The following DLG2 variants were observed in gnomAD, a reference collection of about 807,000 sequenced individuals.
DLG2 encodes the protein discs large MAGUK scaffold protein 2.
DLG2 carries 45 observed loss-of-function variants against 132.5 expected under a neutral mutation model. The observed-to-expected ratio is 0.34, with a 90% confidence interval of 0.27 to 0.44. The LOEUF (loss-of-function observed/expected upper bound fraction) is 0.44, where lower values mean the gene tolerates loss of function less well. Among genes scored for constraint, DLG2 ranks in the 20% least tolerant of loss-of-function variants. The pLI, the probability that DLG2 is intolerant of heterozygous loss-of-function variation, is 1.00. For missense variants in DLG2, 1,045 were observed against 1,196.9 expected, an observed-to-expected ratio of 0.87 and a Z score of 1.87; for synonymous variants, 424 against 419.6, an observed-to-expected ratio of 1.01 and a Z score of -0.13.
intron 15 of DLG2, among the ~76,000 whole-genome samples, chr11:83,892,035 A>G (rs1427509186): frequency 2.0e-5 from 3 of 152,164 alleles, no homozygotes; most frequent in Admixed American, 2.0e-4. Flanking sequence ...AATAGGTAAC[A>G]GAATAAAAGG....
intron 3 of DLG2, among the ~76,000 whole-genome samples, chr11:85,352,024 A>C (rs974965570): frequency 6.6e-6 from 1 of 152,136 alleles, no homozygotes; most frequent in Admixed American, 6.6e-5. Context: ...ATCTGGCTGT[A>C]AATCCATCTG....
intron 18 of DLG2, among the ~76,000 whole-genome samples, chr11:83,666,962 T>A (rs1246861633): frequency 6.6e-6 from 1 of 152,120 alleles, no homozygotes; most frequent in African/African-American, 2.4e-5. Context: ...TTGCCTTGAG[T>A]CTGTGATCTT....
intron 6 of DLG2, among the ~76,000 whole-genome samples, chr11:84,567,105 A>C (rs2099459613): frequency 6.6e-6 from 1 of 152,178 alleles, no homozygotes; most frequent in Non-Finnish European, 1.5e-5. Flanking sequence ...TCGAAAAATA[A>C]ACAGGGTGAA....
Position 84,327,234 on chromosome 11 carries a change from C to T in DLG2, c.520-75943G>A, listed in dbSNP as rs1033594255. Among the ~76,000 whole-genome samples, 7 of 150,788 alleles carry T rather than the reference C, an allele frequency of 4.6e-5. No homozygotes were observed. In the Admixed American group the frequency reaches 4.6e-4, roughly 10 times the overall value. ...TGGTAGCAGGGATTACAGGCACACACCACCATGCCCGGCTAATTTTTGTAT... is the reference window on the plus strand; with the variant it reads ...TGGTAGCAGGGATTACAGGCACACATCACCATGCCCGGCTAATTTTTGTAT... On this transcript the variant is annotated intron_variant, in intron 7 of 27. Transcript: ENST00000376104.
At chr11:85,081,216 G>C (rs1392666202) in intron 6 of DLG2, among the ~76,000 whole-genome samples, 1 of 152,164 alleles carries the variant, frequency 6.6e-6, no homozygotes, top group Non-Finnish European at 1.5e-5. Context: ...CTGCTGAAAA[G>C]AGCAATTGAG....
intron 7 of DLG2, among the ~76,000 whole-genome samples, chr11:84,482,398 T>C (rs1318804925): frequency 6.6e-6 from 1 of 152,188 alleles, no homozygotes; most frequent in African/African-American, 2.4e-5. Context: ...TAGAAATCCA[T>C]GATCAAAAAT....
chr11:85,191,205 C>CACAT (rs60860024), intron 4 of DLG2, among the ~76,000 whole-genome samples: 1 of 149,154 alleles, frequency 6.7e-6, no homozygotes, highest in Non-Finnish European at 1.5e-5. Flanking sequence ...CACACACACA[C>CACAT]GTTTGGATAT....
intron 6 of DLG2, among the ~76,000 whole-genome samples, chr11:84,794,118 C>T (rs1436668261): frequency 6.6e-6 from 1 of 151,940 alleles, no homozygotes; most frequent in Non-Finnish European, 1.5e-5. Context: ...ATCTTATAAC[C>T]CATTCGTATG....
intron 4 of DLG2, among the ~76,000 whole-genome samples, chr11:85,249,363 ATGT>A (rs1446943182): frequency 6.6e-6 from 1 of 151,962 alleles, no homozygotes; most frequent in African/African-American, 2.4e-5. Flanking sequence ...GCCTACTATA[ATGT>A]TATAATTTTA....
At chr11:85,297,821 CAG>C (rs1177576502) in intron 3 of DLG2, among the ~76,000 whole-genome samples, 1 of 152,120 alleles carries the variant, frequency 6.6e-6, no homozygotes, top group Non-Finnish European at 1.5e-5. Flanking sequence ...CAGACCACAG[CAG>C]AGTTACAGAG....
intron 6 of DLG2, among the ~76,000 whole-genome samples, chr11:84,637,073 C>A (rs1488277055): frequency 6.6e-6 from 1 of 152,056 alleles, no homozygotes; most frequent in Non-Finnish European, 1.5e-5. Context: ...TAGGTGTGAG[C>A]CACTGTGCCC....
At chr11:84,765,647 A>C (rs2068303975) in intron 6 of DLG2, among the ~76,000 whole-genome samples, 1 of 152,086 alleles carries the variant, frequency 6.6e-6, no homozygotes, top group African/African-American at 2.4e-5. Context: ...AAGGTATAAA[A>C]ATTATTTTGT....
chr11:84,911,264 A>C (rs1473235100), intron 6 of DLG2, among the ~76,000 whole-genome samples: 3 of 151,988 alleles, frequency 2.0e-5, no homozygotes, highest in Middle Eastern at 3.2e-3. Context: ...TAAAGTTATA[A>C]ATTCAAAAGC....
intron 8 of DLG2, chr11:84,166,803 A>G (rs1407573963): frequency 1.2e-5 from 5 of 415,092 alleles, no homozygotes; most frequent in Non-Finnish European, 4.9e-6. Context: ...TGGTTTGCAA[A>G]CAATCCATTG....
intron 10 of DLG2, among the ~76,000 whole-genome samples, chr11:84,085,542 G>A (rs143950953): frequency 6.6e-6 from 1 of 152,142 alleles, no homozygotes; most frequent in Non-Finnish European, 1.5e-5. Flanking sequence ...GTCAACAAAT[G>A]TCAGATAATT....
chr11:85,222,569 AGATAAG>A lies in DLG2; in HGVS notation c.186+62645_186+62650del, dbSNP rs2074716882. Among the ~76,000 whole-genome samples, 3 of 152,190 alleles carry A rather than the reference AGATAAG, an allele frequency of 2.0e-5. No homozygotes were observed. The South Asian group carries it at 6.2e-4, about 32-fold the overall frequency. On this transcript the variant is annotated intron_variant, in intron 4 of 27. Transcript: ENST00000376104. ...AACAGCCCTCATATGATAGTATTTT[AGATAAG>A]GAAAGTGAGTCCCCAAAGAGGTTAA...
At chr11:83,710,815 G>A (rs1393373263) in intron 18 of DLG2, among the ~76,000 whole-genome samples, 2 of 152,022 alleles carry the variant, frequency 1.3e-5, no homozygotes, top group Non-Finnish European at 2.9e-5. Context: ...GGTGGAATGG[G>A]TTCATATAAA....
rs796597257 is a variant in DLG2, at chr11:84,861,631, A to C, written c.357+250030T>G. ...GCTTCTACACAGCAAAAAAAAAAAA[A>C]AAAAAAAACAAAAAAAAAAACCTAT... On this transcript the variant is annotated intron_variant, in intron 6 of 27. Coordinates refer to ENST00000376104, the MANE Select transcript of DLG2 (RefSeq NM_001142699.3). Among the ~76,000 whole-genome samples, 14 of 73,036 alleles carry C rather than the reference A, an allele frequency of 1.9e-4. No individual in the cohort carries two copies. The South Asian group carries it at 4.9e-3, about 25-fold the overall frequency. 47.9% of individuals were successfully genotyped at this position (73,036 alleles called of 152,430 possible).
intron 18 of DLG2, among the ~76,000 whole-genome samples, chr11:83,768,698 T>C (rs1220070386): frequency 1.3e-5 from 2 of 152,232 alleles, no homozygotes; most frequent in Non-Finnish European, 2.9e-5. Flanking sequence ...CAGCAGATCC[T>C]GAGGCCATGC....
Sources: allele counts gnomAD v4.1 joint callset (sites outside exome capture counted in the v4.1 genomes callset), GRCh38; gene constraint gnomAD v4.1.1; transcripts MANE v1.5; gene names NCBI Gene and HGNC (gene_info 2026-07-23, HGNC 2026-07-21).